SRBD1: variants seen among roughly 807,000 people sequenced by gnomAD.
SRBD1 encodes S1 RNA-binding domain-containing protein 1.
Under a neutral mutation model 115.3 loss-of-function variants are expected in SRBD1, and 88 were observed. That is an observed-to-expected ratio of 0.76 (90% CI 0.64 to 0.91). The LOEUF is 0.91. Among genes scored for constraint, SRBD1 ranks in the 40% least tolerant of loss-of-function variants. The pLI, the probability that SRBD1 is intolerant of heterozygous loss-of-function variation, is 0.00. For missense variants in SRBD1, 1,385 were observed against 1,177.4 expected, an observed-to-expected ratio of 1.18 and a Z score of -2.58; for synonymous variants, 509 against 407.7, an observed-to-expected ratio of 1.25 and a Z score of -2.99.
chr2:45,525,248 T>C (rs1671406320), intron 14 of SRBD1, among the ~76,000 whole-genome samples: 1 of 152,018 alleles, frequency 6.6e-6, no homozygotes, highest in South Asian at 2.1e-4. Context: ...TGTTCTTACA[T>C]ATGGCACCAA....
rs1672725151 is a variant in SRBD1 at position 45,563,127 on chromosome 2, TC to T, written c.1306-372del. Among the ~76,000 whole-genome samples, 6 of 152,270 alleles carry T rather than the reference TC, an allele frequency of 3.9e-5. No individual in the cohort carries two copies. In the South Asian group the frequency reaches 1.2e-3, roughly 32 times the overall value. On this transcript the variant is annotated intron_variant, in intron 9 of 20. Transcript: ENST00000263736. ...CTAAGATAAATACAAACATGTAAAA[TC>T]CTAGGTGCAATATTTAGTAGCTACA... is the stretch of plus-strand genomic sequence containing the variant.
At chr2:45,594,016 A>T (rs1673810064) in intron 4 of SRBD1, among the ~76,000 whole-genome samples, 1 of 152,200 alleles carries the variant, frequency 6.6e-6, no homozygotes, top group South Asian at 2.1e-4. Context: ...TTATACTTCA[A>T]AAAAAGGTTG....
intron 18 of SRBD1, among the ~76,000 whole-genome samples, chr2:45,417,308 T>C (rs1040228798): frequency 1.1e-4 from 17 of 152,214 alleles, no homozygotes; most frequent in African/African-American, 3.9e-4. Context: ...TTCACACATA[T>C]TGAATTACTG....
At chr2:45,470,592 G>GA (rs1432410831) in intron 16 of SRBD1, among the ~76,000 whole-genome samples, 2 of 152,230 alleles carry the variant, frequency 1.3e-5, no homozygotes, top group East Asian at 3.9e-4. Context: ...GTCCAAAGAA[G>GA]AAAAAATTAT....
At chr2:45,574,840 C>G (rs2104156612) in intron 7 of SRBD1, 117 bp from the exon 8 acceptor site, 2 of 848,668 alleles carry the variant, frequency 2.4e-6, no homozygotes, top group African/African-American at 1.7e-5. Context: ...AGTTGACAGT[C>G]TTAAGACAGA....
At chr2:45,584,031 G>C (rs1043538435) in intron 5 of SRBD1, among the ~76,000 whole-genome samples, 11 of 152,032 alleles carry the variant, frequency 7.2e-5, no homozygotes, top group African/African-American at 2.7e-4. Flanking sequence ...TGCTTGTGAG[G>C]CTTTCTCCAA....
At chr2:45,437,351 T>C (rs749181926) in intron 16 of SRBD1, among the ~76,000 whole-genome samples, 1 of 82,756 alleles carries the variant, frequency 1.2e-5, no homozygotes, top group Admixed American at 1.3e-4. Flanking sequence ...CACTGCAGTA[T>C]TGGTTTAAAA....
In SRBD1 at chr2:45,551,286, T is replaced by C. The variant is rs758801846; in HGVS notation, c.1518-4A>G. The C allele has an allele frequency of 2.5e-6, 4 of 1,583,912 alleles. No homozygotes were observed. Among genetic ancestry groups the C allele is most frequent in the South Asian group, 2.4e-5 (2 of 83,960 alleles). On this transcript the variant is annotated splice_polypyrimidine_tract_variant and splice_region_variant and intron_variant, in intron 11 of 20. Coordinates refer to ENST00000263736, the MANE Select transcript of SRBD1 (RefSeq NM_018079.5). ...TGCATCTGATGTTAGTTTGGCTCTT[T>C]AGAAATAGAAGAAAAGAAAAAGTTT...
chr2:45,414,913 T>C (rs920412090), intron 18 of SRBD1, among the ~76,000 whole-genome samples: 2 of 80,192 alleles, frequency 2.5e-5, no homozygotes, highest in Non-Finnish European at 5.1e-5. Context: ...ATATAGTGTG[T>C]ATATAGTATG....
At chr2:45,389,919 C>G (rs1666951636) in intron 20 of SRBD1, among the ~76,000 whole-genome samples, 1 of 152,210 alleles carries the variant, frequency 6.6e-6, no homozygotes, top group South Asian at 2.1e-4. Context: ...ATTTGCTTAA[C>G]AAATATACAA....
intron 16 of SRBD1, among the ~76,000 whole-genome samples, chr2:45,467,580 A>C (rs1669528613): frequency 6.6e-6 from 1 of 152,152 alleles, no homozygotes; most frequent in South Asian, 2.1e-4. Context: ...AAAAATAATT[A>C]TTTAATTCCT....
intron 19 of SRBD1, among the ~76,000 whole-genome samples, chr2:45,403,911 ATTTTGT>A (rs1667357017): frequency 6.6e-6 from 1 of 152,066 alleles, no homozygotes; most frequent in African/African-American, 2.4e-5. Flanking sequence ...TTTACTCTGA[ATTTTGT>A]TGATGATTTT....
At chr2:45,518,870 T>C (rs1671198766) in intron 14 of SRBD1, among the ~76,000 whole-genome samples, 1 of 151,438 alleles carries the variant, frequency 6.6e-6, no homozygotes. Context: ...TTTTGGTTTG[T>C]ACAAGTAAAA....
chr2:45,442,905 C>T (rs977455822), intron 16 of SRBD1, among the ~76,000 whole-genome samples: 14 of 152,082 alleles, frequency 9.2e-5, no homozygotes, highest in East Asian at 3.8e-4. Context: ...AGTAGTGTCT[C>T]GTCCCTAAAA....
intron 2 of SRBD1, among the ~76,000 whole-genome samples, chr2:45,604,562 A>G (rs952717458): frequency 2.0e-5 from 3 of 152,144 alleles, no homozygotes; most frequent in African/African-American, 7.2e-5. Flanking sequence ...TAGACTGGCC[A>G]CACTGGTCTT....
At chr2:45,589,715 T>TAC (rs746911159) in intron 4 of SRBD1, among the ~76,000 whole-genome samples, 35 of 152,336 alleles carry the variant, frequency 2.3e-4, no homozygotes, top group South Asian at 1.4e-3. Context: ...CAAAACCACA[T>TAC]ACAAGCAGTC....
chr2:45,460,100 A>C (rs1047508608), intron 16 of SRBD1, among the ~76,000 whole-genome samples: 3 of 152,032 alleles, frequency 2.0e-5, no homozygotes, highest in Admixed American at 6.6e-5. Flanking sequence ...AAATTTATCC[A>C]CAAGAAAACA....
chr2:45,607,816 G>A (rs2104271560), intron 1 of SRBD1, among the ~76,000 whole-genome samples: 1 of 152,282 alleles, frequency 6.6e-6, no homozygotes, highest in African/African-American at 2.4e-5. Context: ...AAACAGTCTA[G>A]ACTGTGGGCA....
chr2:45,491,917 G>C, intron 14 of SRBD1, among the ~76,000 whole-genome samples: 1 of 152,084 alleles, frequency 6.6e-6, no homozygotes, highest in East Asian at 1.9e-4. Context: ...CGCCTCCCAG[G>C]TTCAAGAGAT....
Sources: allele counts gnomAD v4.1 joint callset (sites outside exome capture counted in the v4.1 genomes callset), GRCh38; gene constraint gnomAD v4.1.1; transcripts MANE v1.5; gene names NCBI Gene and HGNC (gene_info 2026-07-23, HGNC 2026-07-21).